UNC5D: variants seen among roughly 807,000 people sequenced by gnomAD.
UNC5D encodes unc-5 netrin receptor D, also known as netrin receptor UNC5D.
In UNC5D, 39 loss-of-function variants were observed where a neutral mutation model predicts 105.4. The observed-to-expected ratio is 0.37, with a 90% CI of 0.29 to 0.48. The LOEUF is 0.48. UNC5D is among the 20% of genes least tolerant of loss of function. UNC5D has a pLI of 0.98. For synonymous variants in UNC5D, 452 were observed against 450.4 expected, an observed-to-expected ratio of 1.00 and a Z score of -0.04; for missense variants, 991 against 1,202.4, an observed-to-expected ratio of 0.82 and a Z score of 2.60.
intron 1 of UNC5D, among the ~76,000 whole-genome samples, chr8:35,485,327 C>T (rs1000916768): frequency 2.0e-5 from 3 of 152,202 alleles, no homozygotes; most frequent in African/African-American, 7.2e-5. Context: ...GTCAGTATAA[C>T]ATCTCTGCGA....
chr8:35,698,252 T>A (rs527347338), intron 7 of UNC5D, among the ~76,000 whole-genome samples: 1 of 149,598 alleles, frequency 6.7e-6, no homozygotes, highest in Non-Finnish European at 1.5e-5. Context: ...TTTTTTTTTT[T>A]AGTCCATGTG....
chr8:35,378,153 G>A (rs983929182), intron 1 of UNC5D, among the ~76,000 whole-genome samples: 6 of 152,102 alleles, frequency 3.9e-5, no homozygotes, highest in Non-Finnish European at 7.4e-5. Flanking sequence ...TCCTGACTGC[G>A]ATCCCCTATC....
chr8:35,442,861 C>CTCTCTCTCTCTCTCTCTCTCTGTT, intron 1 of UNC5D, among the ~76,000 whole-genome samples: 1 of 141,150 alleles, frequency 7.1e-6, no homozygotes, highest in East Asian at 2.0e-4. Context: ...TACACCATCT[C>CTCTCTCTCTCTCTCTCTCTCTGTT]TCTCTCTCTC....
chr8:35,504,328 C>CT (rs1812172676), intron 1 of UNC5D, among the ~76,000 whole-genome samples: 3 of 152,164 alleles, frequency 2.0e-5, no homozygotes, highest in Non-Finnish European at 4.4e-5. Context: ...CTATGTGAGG[C>CT]TAATTAAAAG....
chr8:35,742,584 A>G (rs1402122923), intron 11 of UNC5D, among the ~76,000 whole-genome samples: 2 of 152,152 alleles, frequency 1.3e-5, no homozygotes, highest in Non-Finnish European at 2.9e-5. Flanking sequence ...CACAAGGAGG[A>G]AAGGAGGGAA....
Position 35,742,224 on chromosome 8 carries a change from C to T in UNC5D, c.1767-6303C>T, listed in dbSNP as rs554071241. Among the ~76,000 whole-genome samples, 3 of 147,144 alleles carry T rather than the reference C, an allele frequency of 2.0e-5. No homozygotes were observed. In the South Asian group the frequency reaches 6.5e-4, roughly 32 times the overall value. The stretch of plus-strand genomic sequence containing the variant: ...ACTGATCTGAAATCTCTGGTCAGAG[C>T]AATTGAGTAGGAGAGAGATCTGACT... On this transcript the variant is annotated intron_variant, in intron 11 of 16. Coordinates refer to ENST00000404895, the MANE Select transcript of UNC5D (RefSeq NM_080872.4).
At chr8:35,769,791 G>A (rs775232660) in intron 15 of UNC5D, among the ~76,000 whole-genome samples, 7 of 151,974 alleles carry the variant, frequency 4.6e-5, no homozygotes, top group African/African-American at 9.7e-5. Context: ...ATGAAACCCC[G>A]TCTCTACTAA....
intron 4 of UNC5D, among the ~76,000 whole-genome samples, chr8:35,628,508 G>T (rs1370461506): frequency 1.3e-5 from 2 of 152,146 alleles, no homozygotes; most frequent in African/African-American, 2.4e-5. Flanking sequence ...CATGTACAAA[G>T]TGTGCATAGA....
At position 35,574,999 on chromosome 8, in the gene UNC5D, G is replaced by T. The variant is rs566596554; in HGVS notation, c.466+6758G>T. Among the ~76,000 whole-genome samples, 4 of 152,126 alleles carry T rather than the reference G, an allele frequency of 2.6e-5. No homozygotes were observed. The South Asian group carries it at 8.3e-4, about 32-fold the overall frequency. On this transcript the variant is annotated intron_variant, in intron 3 of 16. Coordinates refer to ENST00000404895, the MANE Select transcript of UNC5D (RefSeq NM_080872.4). The stretch of plus-strand genomic sequence containing the variant: ...TAGTTTAGCAAATCCCCTATCACTT[G>T]TTGATCTCAGCAGCCTCACATACCA...
chr8:35,648,297 T>C (rs1823180451), intron 4 of UNC5D, among the ~76,000 whole-genome samples: 1 of 152,186 alleles, frequency 6.6e-6, no homozygotes, highest in Non-Finnish European at 1.5e-5. Context: ...GTAGTGTTCA[T>C]TTTATGATTG....
In UNC5D at chr8:35,249,559, AAATAATAATAATAATAATAAT is replaced by A. The variant is rs148177480; in HGVS notation, c.103+13696_103+13716del. Among the ~76,000 whole-genome samples the A allele has an allele frequency of 1.6e-4, 23 of 142,634 alleles. No individual in the cohort carries two copies. The South Asian group carries it at 1.8e-3, about 11-fold the overall frequency. 93.6% of individuals were successfully genotyped at this position (142,634 alleles called of 152,430 possible). A position where few individuals can be genotyped will look rare whatever the true frequency, so the allele number is the denominator to read the frequency against. ...GGCAATGGAGGGAAACTCTGTCTCA[AAATAATAATAATAATAATAAT>A]AATAATAATAATAATAATAATAAAA... On this transcript the variant is annotated intron_variant, in intron 1 of 16. Transcript: ENST00000404895.
chr8:35,396,165 CT>C (rs1286078543), intron 1 of UNC5D, among the ~76,000 whole-genome samples: 1 of 152,090 alleles, frequency 6.6e-6, no homozygotes, highest in Non-Finnish European at 1.5e-5. Flanking sequence ...GCTCTGAAAT[CT>C]ACATTTAGGA....
intron 1 of UNC5D, among the ~76,000 whole-genome samples, chr8:35,378,632 C>A (rs1041181735): frequency 2.0e-5 from 3 of 152,204 alleles, no homozygotes; most frequent in African/African-American, 7.2e-5. Flanking sequence ...ATCTGTTTCT[C>A]TTCCCTTTTG....
chr8:35,457,930 A>T (rs191879675), intron 1 of UNC5D, among the ~76,000 whole-genome samples: 2 of 152,298 alleles, frequency 1.3e-5, no homozygotes, highest in African/African-American at 4.8e-5. Context: ...ATGATCCAAG[A>T]ATCTCATGAA....
intron 7 of UNC5D, among the ~76,000 whole-genome samples, chr8:35,688,210 G>A (rs1466743530): frequency 1.3e-5 from 2 of 150,232 alleles, no homozygotes; most frequent in South Asian, 2.1e-4. Context: ...AGAACTGGTC[G>A]CCTTCTCGGA....
At chr8:35,651,593 G>T (rs562284958) in intron 4 of UNC5D, among the ~76,000 whole-genome samples, 8 of 152,276 alleles carry the variant, frequency 5.3e-5, no homozygotes, top group Admixed American at 5.2e-4. Flanking sequence ...ATAAAACCCT[G>T]CTGGGTGAAT....
chr8:35,479,001 A>C, intron 1 of UNC5D, among the ~76,000 whole-genome samples: 1 of 152,334 alleles, frequency 6.6e-6, no homozygotes, highest in South Asian at 2.1e-4. Flanking sequence ...TGAAAGACTT[A>C]GAGAAATTTT....
chr8:35,729,135 T>G (rs970752578), intron 10 of UNC5D, among the ~76,000 whole-genome samples: 3 of 152,212 alleles, frequency 2.0e-5, no homozygotes, highest in Admixed American at 2.0e-4. Flanking sequence ...TCCCATAGAT[T>G]CAGGTTGAAT....
intron 7 of UNC5D, among the ~76,000 whole-genome samples, chr8:35,698,954 G>C (rs1344873766): frequency 6.6e-6 from 1 of 152,096 alleles, no homozygotes; most frequent in Non-Finnish European, 1.5e-5. Flanking sequence ...GAATTCATAG[G>C]TTAGAAAAAG....
Sources: allele counts gnomAD v4.1 joint callset (sites outside exome capture counted in the v4.1 genomes callset), GRCh38; gene constraint gnomAD v4.1.1; transcripts MANE v1.5; gene names NCBI Gene and HGNC (gene_info 2026-07-23, HGNC 2026-07-21).